The following HSD17B12 variants were observed in gnomAD, a reference collection of about 807,000 sequenced individuals.
The protein encoded by HSD17B12 is hydroxysteroid 17-beta dehydrogenase 12.
Under a neutral mutation model 39.3 loss-of-function variants are expected in HSD17B12, and 32 were observed. The ratio of observed to expected loss-of-function variants is 0.81; its 90% CI spans 0.61 to 1.09. The LOEUF (loss-of-function observed/expected upper bound fraction) is 1.09. Ranked by LOEUF, HSD17B12 falls within the 50% of genes least tolerant of loss-of-function variation. The probability of loss-of-function intolerance (pLI) is 0.00; values close to 1 mark genes in which losing one functional copy is unlikely to be tolerated. For missense variants in HSD17B12, 342 were observed against 382.9 expected, an observed-to-expected ratio of 0.89 and a Z score of 0.89; for synonymous variants, 150 against 146.7, an observed-to-expected ratio of 1.02 and a Z score of -0.16.
At chr11:43,754,833 AC>A in intron 3 of HSD17B12, 1 of 758,512 alleles carries the variant, frequency 1.3e-6, no homozygotes. Flanking sequence ...AGATAGCAAT[AC>A]CCATGTGACA....
chr11:43,587,758 G>A, the HSD17B12 span, among the ~76,000 whole-genome samples: 5 of 152,202 alleles, frequency 3.3e-5, no homozygotes, highest in South Asian at 2.1e-4. Flanking sequence ...GTTCCATGGA[G>A]GGAAGGGAGG....
At chr11:43,692,572 A>C (rs140390387) in intron 1 of HSD17B12, among the ~76,000 whole-genome samples, 4 of 152,364 alleles carry the variant, frequency 2.6e-5, no homozygotes, top group East Asian at 1.9e-4. Flanking sequence ...TTCTTTCCCA[A>C]ATCTTTACAA....
At position 43,703,034 on chromosome 11, in the gene HSD17B12, G is replaced by GT. The variant is rs200754386; in HGVS notation, c.160+22055dup. Among the ~76,000 whole-genome samples the GT allele has an allele frequency of 6.3e-3, 950 of 151,398 alleles. 14 individuals carry two copies. Among genetic ancestry groups the GT allele is most frequent in the African/African-American group, 0.021 (882 of 41,292 alleles). ...TAGTTTTCCTTTTTTTGTTGTTGTT[G>GT]TTTTTTTTGTTTGATGTACCTCTGT... On this transcript the variant is annotated intron_variant, in intron 1 of 10. Coordinates refer to ENST00000278353, the MANE Select transcript of HSD17B12 (RefSeq NM_016142.3).
chr11:43,575,551 T>C, the HSD17B12 span, among the ~76,000 whole-genome samples: 13 of 152,342 alleles, frequency 8.5e-5, no homozygotes, highest in African/African-American at 2.9e-4. The surrounding 1 kb of genome is among the most constrained non-coding windows in gnomAD (Gnocchi z 4.1). Context: ...GGGCCCCGCT[T>C]GCCCGGTGCA....
chr11:43,633,935 A>T, the HSD17B12 span, among the ~76,000 whole-genome samples: 1 of 151,602 alleles, frequency 6.6e-6, no homozygotes, highest in African/African-American at 2.4e-5. Flanking sequence ...TTACCCAGGC[A>T]TGGTGGCGCA....
At chr11:43,661,646 T>G in the HSD17B12 span, among the ~76,000 whole-genome samples, 1 of 151,938 alleles carries the variant, frequency 6.6e-6, no homozygotes, top group African/African-American at 2.4e-5. Flanking sequence ...GACCCCATTC[T>G]CCACAAAAAA....
chr11:43,560,419 T>C, the HSD17B12 span, among the ~76,000 whole-genome samples: 4 of 152,206 alleles, frequency 2.6e-5, no homozygotes, highest in East Asian at 7.7e-4. Flanking sequence ...GGAAGGAACA[T>C]AAGTAAGAAA....
chr11:43,680,558 A>T, upstream of HSD17B12: 1 of 488,788 alleles, frequency 2.0e-6, no homozygotes, highest in Admixed American at 3.8e-5. Context: ...CAGGGCGCTC[A>T]CTGGCGGAAC....
the HSD17B12 span, among the ~76,000 whole-genome samples, chr11:43,624,822 G>A: frequency 7.3e-4 from 111 of 151,824 alleles, 1 homozygote; most frequent in East Asian, 4.2e-3. Flanking sequence ...ATCAGATATT[G>A]AAATTAAAAT....
chr11:43,835,918 G>T (rs1029137419), intron 7 of HSD17B12, among the ~76,000 whole-genome samples: 3 of 152,084 alleles, frequency 2.0e-5, no homozygotes, highest in African/African-American at 7.2e-5. Flanking sequence ...ATATGGGAAA[G>T]GAACTTTTAT....
chr11:43,778,401 G>T (rs1408745818), intron 3 of HSD17B12, among the ~76,000 whole-genome samples: 2 of 152,204 alleles, frequency 1.3e-5, no homozygotes, highest in Admixed American at 1.3e-4. Context: ...AATTCTACCA[G>T]AGGTATAAGG....
chr11:43,747,173 T>C (rs1950419615), intron 1 of HSD17B12, among the ~76,000 whole-genome samples: 1 of 152,240 alleles, frequency 6.6e-6, no homozygotes, highest in African/African-American at 2.4e-5. Flanking sequence ...TTACCAAATG[T>C]CTACTGAACA....
chr11:43,817,008 ATCTATATCTATATCTATATC>A (rs1565099866), intron 6 of HSD17B12, among the ~76,000 whole-genome samples: 2 of 22,272 alleles, frequency 9.0e-5, no homozygotes, highest in African/African-American at 2.4e-4. Flanking sequence ...CTATATCTAT[ATCTATATCTATATCTATATC>A]TATATCTATA....
intron 1 of HSD17B12, 32 bp from the exon 2 acceptor site, chr11:43,750,879 A>C (rs767362270): frequency 1.3e-6 from 2 of 1,539,144 alleles, no homozygotes; most frequent in Non-Finnish European, 1.8e-6. Flanking sequence ...TGTAATTCTT[A>C]GACTAAACTA....
At chr11:43,727,657 A>G (rs890332964) in intron 1 of HSD17B12, among the ~76,000 whole-genome samples, 2 of 152,132 alleles carry the variant, frequency 1.3e-5, no homozygotes, top group Admixed American at 6.5e-5. Flanking sequence ...CCATCATAGT[A>G]CAAACCACCA....
At chr11:43,696,432 T>A (rs187971157) in intron 1 of HSD17B12, among the ~76,000 whole-genome samples, 137 of 152,360 alleles carry the variant, frequency 9.0e-4, no homozygotes, top group Non-Finnish European at 1.7e-3. Flanking sequence ...ACATCACTGA[T>A]CTTTAGAGAA....
chr11:43,656,097 T>C, the HSD17B12 span, among the ~76,000 whole-genome samples: 1 of 152,228 alleles, frequency 6.6e-6, no homozygotes, highest in East Asian at 1.9e-4. Flanking sequence ...GTTATTCGTC[T>C]ATTCAGAGAT....
chr11:43,637,277 G>A, the HSD17B12 span, among the ~76,000 whole-genome samples: 1 of 141,850 alleles, frequency 7.0e-6, no homozygotes, highest in Non-Finnish European at 1.5e-5. Context: ...CTGGAGTGCA[G>A]TGGCACAATC....
the HSD17B12 span, among the ~76,000 whole-genome samples, chr11:43,657,198 G>A: frequency 6.6e-6 from 1 of 152,178 alleles, no homozygotes; most frequent in Admixed American, 6.5e-5. Flanking sequence ...TTTAAAGTCT[G>A]TTTTGTCCGA....
Sources: gnomAD v4.1 joint callset for allele counts (sites outside exome capture counted in the v4.1 genomes callset) on GRCh38, gnomAD v4.1.1 for gene constraint, Gnocchi (gnomAD v3.1) non-coding constraint, MANE v1.5 for transcripts, NCBI Gene and HGNC (gene_info 2026-07-23, HGNC 2026-07-21) for gene names.